The following DDX1 variants were observed in gnomAD, a reference collection of about 807,000 sequenced individuals.
DDX1 encodes ATP-dependent RNA helicase DDX1.
Under a neutral mutation model 108.7 loss-of-function variants are expected in DDX1, and 28 were observed. The ratio of observed to expected loss-of-function variants is 0.26; its 90% CI spans 0.19 to 0.35. DDX1 has a LOEUF of 0.35. DDX1 is among the 10% of genes least tolerant of loss of function. The pLI is 1.00. For synonymous variants in DDX1, 295 were observed against 288.9 expected, an observed-to-expected ratio of 1.02 and a Z score of -0.21; for missense variants, 710 against 884.5, an observed-to-expected ratio of 0.80 and a Z score of 2.50.
Position 15,618,311 on chromosome 2 carries a change from A to G in DDX1, c.1206+41A>G, listed in dbSNP as rs756089414. On this transcript the variant is annotated intron_variant, in intron 16 of 25. Coordinates refer to ENST00000233084, the MANE Select transcript of DDX1 (RefSeq NM_004939.3). Reference sequence around the variant, plus strand: ...ATGCATCTTAAAATGCATGTAAACAATTGTTATGTATAATGTTACGGGATC... The same window carrying G: ...ATGCATCTTAAAATGCATGTAAACAGTTGTTATGTATAATGTTACGGGATC... 30 of 1,024,934 alleles carry G rather than the reference A, an allele frequency of 2.9e-5. No individual in the cohort carries two copies. The African/African-American group carries it at 3.4e-4, about 12-fold the overall frequency. The allele number at this position is 1,024,934 out of a possible 1,614,324, so 63.5% of individuals were successfully genotyped here.
chr2:15,624,996 A>T (rs1431145898), intron 19 of DDX1, among the ~76,000 whole-genome samples: 1 of 152,182 alleles, frequency 6.6e-6, no homozygotes, highest in East Asian at 1.9e-4. Context: ...TGACAAAAAG[A>T]TGCTAGAATG....
intron 13 of DDX1, among the ~76,000 whole-genome samples, chr2:15,609,664 A>G (rs1336176261): frequency 1.3e-5 from 2 of 152,112 alleles, no homozygotes; most frequent in Non-Finnish European, 2.9e-5. Context: ...ATCAATTATC[A>G]TGTGTATGTG....
intron 18 of DDX1, among the ~76,000 whole-genome samples, chr2:15,621,649 CTTTT>C (rs199554758): frequency 6.8e-6 from 1 of 146,218 alleles, no homozygotes; most frequent in African/African-American, 2.5e-5. Context: ...ATCTAAATCA[CTTTT>C]TTTTTTTTTG....
Position 15,618,244 on chromosome 2 carries a change from G to T in DDX1, c.1180G>T (p.Val394Phe). Residue 394 changes from valine to phenylalanine, a missense_variant, in exon 16 of 26, where the codon GTT becomes TTT. This residue lies in a region of DDX1 where 661 missense variants were observed against 810.2 expected (regional missense o/e 0.82). Coordinates refer to ENST00000233084, the MANE Select transcript of DDX1 (RefSeq NM_004939.3). ...TAGGATGCACAATCAGATTCCTCAG[G>T]TTACCTCTGATGGAAAAAGACTTCA... Reference protein sequence around the residue: ...INRMHNQIPQVTSDGKRLQVI... With the variant: ...INRMHNQIPQFTSDGKRLQVI... The T allele has an allele frequency of 6.3e-7, 1 of 1,585,508 alleles. No homozygotes were observed. Among genetic ancestry groups the T allele is most frequent in the Non-Finnish European group, 8.6e-7 (1 of 1,158,934 alleles).
At chr2:15,607,936 A>G (rs1396068512) in intron 13 of DDX1, among the ~76,000 whole-genome samples, 3 of 152,080 alleles carry the variant, frequency 2.0e-5, no homozygotes, top group South Asian at 2.1e-4. Context: ...GTGCCACTCT[A>G]TTTCTAGCAT....
At chr2:15,611,654 C>CT (rs1665763160) in intron 13 of DDX1, among the ~76,000 whole-genome samples, 1 of 105,534 alleles carries the variant, frequency 9.5e-6, no homozygotes, top group Non-Finnish European at 1.8e-5. Flanking sequence ...GAGGCACCCC[C>CT]CACCTCCCGG....
rs141528295 is a variant in DDX1, at chr2:15,603,148, G to A, written c.392-44G>A. 396 of 1,281,642 alleles carry A rather than the reference G, an allele frequency of 3.1e-4. 1 individual carries two copies. The African/African-American group carries it at 4.6e-3, about 15-fold the overall frequency. The allele number at this position is 1,281,642 out of a possible 1,614,324, so 79.4% of individuals were successfully genotyped here. A position where few individuals can be genotyped will look rare whatever the true frequency, so the allele number is the denominator to read the frequency against. ...AAGATGACTTCATGGTAAATGAATC[G>A]TGTGTGTGATTTATATAAATCTCAA... is the stretch of plus-strand genomic sequence containing the variant. On this transcript the variant is annotated intron_variant, in intron 7 of 25. Transcript: ENST00000233084.
chr2:15,613,831 G>A (rs997508560), intron 14 of DDX1, among the ~76,000 whole-genome samples: 5 of 137,196 alleles, frequency 3.6e-5, no homozygotes, highest in African/African-American at 1.4e-4. Context: ...AGAAGTTTAG[G>A]AATTTTTTTT....
chr2:15,611,365 T>C (rs1665750635), intron 13 of DDX1, among the ~76,000 whole-genome samples: 1 of 151,464 alleles, frequency 6.6e-6, no homozygotes, highest in Non-Finnish European at 1.5e-5. Flanking sequence ...AAAACCGCCA[T>C]TGTCATCATG....
chr2:15,628,855 C>T lies in DDX1; in HGVS notation c.1875+16C>T. On this transcript the variant is annotated intron_variant, in intron 23 of 25. Coordinates refer to ENST00000233084, the MANE Select transcript of DDX1 (RefSeq NM_004939.3). ...AAAAGAAAAGGTAATCTTTGTAGGG[C>T]TCTATTATATTCATTGTGTGTGTTG... 6.2e-7 allele frequency: 1 copy of T among 1,604,548 alleles called. No individual in the cohort carries two copies. Among genetic ancestry groups the T allele is most frequent in the Non-Finnish European group, 8.5e-7 (1 of 1,171,396 alleles).
intron 25 of DDX1, 55 bp downstream of exon 25, chr2:15,630,165 A>C: frequency 6.3e-7 from 1 of 1,585,694 alleles, no homozygotes; most frequent in East Asian, 2.2e-5. Flanking sequence ...CCTGTTTTGA[A>C]CTTCGGTTTG....
At chr2:15,625,693 A>T (rs1388178511) in intron 19 of DDX1, among the ~76,000 whole-genome samples, 2 of 152,164 alleles carry the variant, frequency 1.3e-5, no homozygotes, top group Non-Finnish European at 2.9e-5. Context: ...AAATATTGGA[A>T]AAATATAAAA....
chr2:15,620,155 T>G, intron 16 of DDX1, 53 bp from the exon 17 acceptor site: 1 of 1,467,758 alleles, frequency 6.8e-7, no homozygotes, highest in Non-Finnish European at 9.5e-7. Flanking sequence ...TTTGTGTGAT[T>G]TATTAATTAT....
intron 20 of DDX1, 85 bp from the exon 21 acceptor site, chr2:15,628,360 C>T (rs538508756): frequency 3.3e-5 from 33 of 1,015,210 alleles, no homozygotes; most frequent in Non-Finnish European, 4.7e-5. Context: ...TTTTAGAGGT[C>T]TCATTTAGTG....
chr2:15,614,633 CCT>C (rs1448330013), intron 14 of DDX1, among the ~76,000 whole-genome samples: 1 of 152,160 alleles, frequency 6.6e-6, no homozygotes, highest in Non-Finnish European at 1.5e-5. Flanking sequence ...GGCCCGTTTT[CCT>C]CTCTTTGTTG....
At chr2:15,611,654 C>T (rs868329794) in intron 13 of DDX1, among the ~76,000 whole-genome samples, 20 of 105,534 alleles carry the variant, frequency 1.9e-4, no homozygotes, top group East Asian at 6.5e-4. Flanking sequence ...GAGGCACCCC[C>T]CACCTCCCGG....
chr2:15,630,656 C>T, intron 25 of DDX1, 120 bp from the exon 26 acceptor site: 1 of 959,830 alleles, frequency 1.0e-6, no homozygotes, highest in Non-Finnish European at 1.6e-6. Flanking sequence ...GATAACTTGC[C>T]CAGTAGTACA....
chr2:15,617,054 T>G (rs1665906699), intron 14 of DDX1, among the ~76,000 whole-genome samples, 190 bp from the exon 15 acceptor site: 1 of 152,124 alleles, frequency 6.6e-6, no homozygotes, highest in Non-Finnish European at 1.5e-5. Flanking sequence ...ATCTTCACAT[T>G]AATTTCAAAC....
chr2:15,621,862 C>G (rs1236688739), intron 18 of DDX1, among the ~76,000 whole-genome samples: 1 of 152,096 alleles, frequency 6.6e-6, no homozygotes, highest in African/African-American at 2.4e-5. Flanking sequence ...CCATGTGGGC[C>G]AGGCTGGTCT....
Sources: allele counts gnomAD v4.1 joint callset (sites outside exome capture counted in the v4.1 genomes callset), GRCh38; gene constraint gnomAD v4.1.1; regional missense constraint gnomAD v4.1.1; transcripts MANE v1.5; gene names NCBI Gene and HGNC (gene_info 2026-07-23, HGNC 2026-07-21).